CD209: variants seen among roughly 807,000 people sequenced by gnomAD.
CD209 encodes CD209 antigen.
In CD209, 31 loss-of-function variants were observed where a neutral mutation model predicts 44.7. That is an observed-to-expected ratio of 0.69 (90% confidence interval 0.52 to 0.94). The LOEUF (loss-of-function observed/expected upper bound fraction) is 0.94. Among genes scored for constraint, CD209 ranks in the 40% least tolerant of loss-of-function variants. The probability of loss-of-function intolerance (pLI) is 0.00; values close to 1 mark genes in which losing one functional copy is unlikely to be tolerated. For synonymous variants in CD209, 173 were observed against 181.3 expected (o/e 0.95, Z 0.37); for missense variants, 407 against 452.4 (o/e 0.90, Z 0.91).
chr19:7,746,109 A>G (rs376988840), intron 3 of CD209, 22 bp from the exon 4 acceptor site: 2 of 1,612,978 alleles, frequency 1.2e-6, no homozygotes, highest in Admixed American at 1.7e-5. Flanking sequence ...AAAAAAAGGA[A>G]CTGCAATTAT....
intron 5 of CD209, 143 bp from the exon 6 acceptor site, chr19:7,744,362 G>C (rs2033728191): frequency 1.6e-6 from 1 of 642,078 alleles, no homozygotes; most frequent in East Asian, 2.7e-5. Context: ...TCGTGTCTGA[G>C]TCCCTCTCAC....
rs58127026 is a variant in CD209, at chr19:7,740,124, A to C, written c.*2915T>G. 4.0e-3 allele frequency: 733 copies of C among 184,888 alleles called. 4 individuals are homozygous for C. Among genetic ancestry groups the C allele is most frequent in the African/African-American group, 0.016 (691 of 41,964 alleles). 11.5% of individuals were successfully genotyped at this position (184,888 alleles called of 1,614,324 possible). ...GGGTAGTGAGGCATGATATGATTGGATCTTGTAATGAGGGGATTCAGGAGG... is the reference window on the plus strand; with the variant it reads ...GGGTAGTGAGGCATGATATGATTGGCTCTTGTAATGAGGGGATTCAGGAGG... On this transcript the variant is annotated 3_prime_UTR_variant, in exon 7 of 7. Transcript: ENST00000315599.
At chr19:7,744,821 T>A in intron 5 of CD209, 120 bp downstream of exon 5, 1 of 1,368,316 alleles carries the variant, frequency 7.3e-7, no homozygotes, top group Non-Finnish European at 1.0e-6. Context: ...CATATCCTTC[T>A]CCTCCCTTCT....
rs773462318 is a variant in CD209, at chr19:7,744,229, A to G, written c.901-10T>C. On this transcript the variant is annotated splice_polypyrimidine_tract_variant and intron_variant, in intron 5 of 6. Transcript: ENST00000315599. ...GCAGCTGTAGGAAGTTCTGGAGGGT[A>G]CAGGAGGAGTCAGGAGGGAGCTCTG... 2 of 1,597,394 alleles carry G rather than the reference A, an allele frequency of 1.3e-6. No homozygotes were observed. Among genetic ancestry groups the G allele is most frequent in the Non-Finnish European group, 1.7e-6 (2 of 1,164,960 alleles).
chr19:7,743,325 AC>A, intron 6 of CD209, 85 bp from the exon 7 acceptor site: 1 of 1,162,818 alleles, frequency 8.6e-7, no homozygotes, highest in South Asian at 1.2e-5. Context: ...TGATGCCTTA[AC>A]ATCTGCCCTG....
At chr19:7,746,939 C>T (rs1004691573) in intron 2 of CD209, among the ~76,000 whole-genome samples, 1 of 151,688 alleles carries the variant, frequency 6.6e-6, no homozygotes, top group Non-Finnish European at 1.5e-5. Context: ...GGGTCCCAGC[C>T]CCTACATCCC....
chr19:7,741,038 T>A lies in CD209; in HGVS notation c.*2001A>T. The A allele has an allele frequency of 1.3e-6, 1 of 763,776 alleles. No individual in the cohort carries two copies. 47.3% of individuals were successfully genotyped at this position (763,776 alleles called of 1,614,324 possible). ...CCAACATCCAGTCCTACCCTTCTTA[T>A]TAAAAGCATGTTTACAGTGTTTGGA... On this transcript the variant is annotated 3_prime_UTR_variant, in exon 7 of 7. Transcript: ENST00000315599.
chr19:7,742,720 G>T lies in CD209; in HGVS notation c.*319C>A. 1 of 363,734 alleles carries T rather than the reference G, an allele frequency of 2.7e-6. No homozygotes were observed. Among genetic ancestry groups the T allele is most frequent in the Non-Finnish European group, 5.1e-6 (1 of 196,356 alleles). 22.5% of individuals were successfully genotyped at this position (363,734 alleles called of 1,614,324 possible). On this transcript the variant is annotated 3_prime_UTR_variant, in exon 7 of 7. Transcript: ENST00000315599. Reference sequence around the variant, plus strand: ...AGTTGAACAGATGGTAGGTTTGCATGTATAAGATAACGCCCCAGGGGACAT... The same window carrying T: ...AGTTGAACAGATGGTAGGTTTGCATTTATAAGATAACGCCCCAGGGGACAT...
At chr19:7,743,870 T>C (rs144396299) in intron 6 of CD209, among the ~76,000 whole-genome samples, 4,845 of 152,192 alleles carry the variant, frequency 0.032, 238 homozygotes, top group African/African-American at 0.11. Context: ...TATTAATACA[T>C]TATATTTTAA....
Position 7,745,935 on chromosome 19 carries a change from C to T in CD209, c.331G>A (p.Val111Met). Residue 111 changes from valine to methionine, a missense_variant, in exon 4 of 7, where the codon GTG (valine) becomes ATG (methionine). Transcript: ENST00000315599. ...TTAGATTTCTCTGGAAGCTCACCCA[C>T]TGCAGCCTTCAGCTGGGTCAGCTCC... Reference protein sequence around the residue: ...YQELTQLKAAVGELPEKSKLQ... With the variant: ...YQELTQLKAAMGELPEKSKLQ... The T allele has an allele frequency of 1.2e-6, 2 of 1,614,204 alleles. No individual in the cohort carries two copies. Among genetic ancestry groups the T allele is most frequent in the South Asian group, 2.2e-5 (2 of 91,076 alleles).
Position 7,742,593 on chromosome 19 carries a change from G to T in CD209, c.*446C>A. ...CTCCATGCCCTCTCTGGGTGCCATT[G>T]GTTGACTGGGGGAATTAATTCCCTG... On this transcript the variant is annotated 3_prime_UTR_variant, in exon 7 of 7. Coordinates refer to ENST00000315599, the MANE Select transcript of CD209 (RefSeq NM_021155.4). The T allele has an allele frequency of 5.4e-6, 1 of 184,930 alleles. No homozygotes were observed. Among genetic ancestry groups the T allele is most frequent in the Admixed American group, 5.3e-5 (1 of 18,798 alleles). 11.5% of individuals were successfully genotyped at this position (184,930 alleles called of 1,614,324 possible).
Position 7,741,656 on chromosome 19 carries a change from G to A in CD209, c.*1383C>T. 1 of 878,996 alleles carries A rather than the reference G, an allele frequency of 1.1e-6. No individual in the cohort carries two copies. Among genetic ancestry groups the A allele is most frequent in the Non-Finnish European group, 1.8e-6 (1 of 545,674 alleles). 54.4% of individuals were successfully genotyped at this position (878,996 alleles called of 1,614,324 possible). On this transcript the variant is annotated 3_prime_UTR_variant, in exon 7 of 7. Transcript: ENST00000315599. ...TTTAACGGACGATGGTATGTACGCA[G>A]GACGACAGCTTCAGTGTGAATTCTG...
At position 7,740,499 on chromosome 19, in the gene CD209, C is replaced by T. The variant is rs969180432; in HGVS notation, c.*2540G>A. The T allele has an allele frequency of 8.0e-6, 9 of 1,124,448 alleles. No homozygotes were observed. Among genetic ancestry groups the T allele is most frequent in the Middle Eastern group, 2.1e-4 (1 of 4,842 alleles). The allele number at this position is 1,124,448 out of a possible 1,614,324, so 69.7% of individuals were successfully genotyped here. ...GGTGACATTTCCAGAGAAACCAAGCCACAAAAAGTACAGGGCCGCCCTGAA... is the reference window on the plus strand; with the variant it reads ...GGTGACATTTCCAGAGAAACCAAGCTACAAAAAGTACAGGGCCGCCCTGAA... On this transcript the variant is annotated 3_prime_UTR_variant, in exon 7 of 7. Coordinates refer to ENST00000315599, the MANE Select transcript of CD209 (RefSeq NM_021155.4).
Position 7,745,618 on chromosome 19 carries a change from G to A in CD209, c.648C>T (p.Tyr216=), listed in dbSNP as rs934454996. Residue 216 remains tyrosine, a synonymous_variant, in exon 4 of 7, where the codon TAC becomes TAT. Coordinates refer to ENST00000315599, the MANE Select transcript of CD209 (RefSeq NM_021155.4). ...LPEKSKQQEI[Y]QELTRLKAAV... ...CAGCCTTCAGCCGGGTCAGCTCCTG[G>A]TAGATCTCCTGCTGCTTAGATTTCT... is the stretch of plus-strand genomic sequence containing the variant. The A allele has an allele frequency of 3.2e-6, 2 of 628,172 alleles. No individual in the cohort carries two copies. The highest frequency in any genetic ancestry group is 5.6e-6 in the Non-Finnish European group (2 of 357,354). The allele number at this position is 628,172 out of a possible 1,614,324, so 38.9% of individuals were successfully genotyped here.
In CD209 at chr19:7,741,182, T is replaced by TG. The variant is rs2033598802; in HGVS notation, c.*1856dup. 1 of 938,688 alleles carries TG rather than the reference T, an allele frequency of 1.1e-6. No homozygotes were observed. Among genetic ancestry groups the TG allele is most frequent in the South Asian group, 1.7e-5 (1 of 57,732 alleles). The allele number at this position is 938,688 out of a possible 1,614,324, so 58.1% of individuals were successfully genotyped here. On this transcript the variant is annotated 3_prime_UTR_variant, in exon 7 of 7. Transcript: ENST00000315599. ...GATGTGCTGCCCGAGTTCAAGAACG[T>TG]GGGGAGAGACTGGGCGCGGTGGCTC...
chr19:7,741,817 G>T lies in CD209; in HGVS notation c.*1222C>A. 1 of 499,072 alleles carries T rather than the reference G, an allele frequency of 2.0e-6. No homozygotes were observed. The highest frequency in any genetic ancestry group is 2.5e-5 in the Admixed American group (1 of 40,102). 30.9% of individuals were successfully genotyped at this position (499,072 alleles called of 1,614,324 possible). On this transcript the variant is annotated 3_prime_UTR_variant, in exon 7 of 7. Transcript: ENST00000315599. ...CTGCTTGTCTCCTCCTTTGGCAAGA[G>T]CTCCAAGGGGAGAGAGAGGGTGGGC...
chr19:7,743,187 C>A lies in CD209; in HGVS notation c.1067G>T (p.Cys356Phe). ...GEPNNVGEED[C>F]AEFSGNGWND... is the part of the protein sequence containing the mutation. ...CCAGCCATTGCCACTAAATTCCGCG[C>A]AGTCTTCCTCCCCAACGTTGTTGGG... is the stretch of plus-strand genomic sequence containing the variant. The change falls in exon 7 of 7, where the codon TGC (cysteine) becomes TTC (phenylalanine). Residue 356 changes from cysteine to phenylalanine, a missense_variant. Physicochemically the swap from Cys to Phe is radical, Grantham distance 205. This residue lies in a region of CD209 where 200 missense variants were observed against 202.2 expected (regional missense o/e 0.99). Transcript: ENST00000315599. 10 of 1,614,182 alleles carry A rather than the reference C, an allele frequency of 6.2e-6. No individual in the cohort carries two copies. The highest frequency in any genetic ancestry group is 8.5e-6 in the Non-Finnish European group (10 of 1,180,028).
chr19:7,746,540 G>C lies in CD209; in HGVS notation c.107-9C>G. The C allele has an allele frequency of 1.2e-6, 2 of 1,613,476 alleles. No individual in the cohort carries two copies. Among genetic ancestry groups the C allele is most frequent in the Non-Finnish European group, 1.7e-6 (2 of 1,179,520 alleles). ...ACCATGGCCAAGACACCCTGAGAGA[G>C]GATACATGCGTCAGCCTGCCAGTGT... On this transcript the variant is annotated splice_polypyrimidine_tract_variant and intron_variant, in intron 2 of 6. Transcript: ENST00000315599.
In CD209 at chr19:7,744,150, C is replaced by A. The variant is rs1203782165; in HGVS notation, c.970G>T (p.Glu324Ter). 6.2e-7 allele frequency: 1 copy of A among 1,614,062 alleles called. No homozygotes were observed. Among genetic ancestry groups the A allele is most frequent in the East Asian group, 2.2e-5 (1 of 44,886 alleles). Residue 324 changes from glutamate to a stop codon, truncating the protein, a stop_gained, in exon 6 of 7, where the codon GAA becomes TAA. Transcript: ENST00000315599. LOFTEE classifies it low-confidence loss of function (END_TRUNC). ...CCGTCCACCCATTGCCACGTGCCTT[C>A]CTGATTTAGATCTGAAAGTCCCATC... The part of the protein sequence containing the change: ...TWMGLSDLNQ[E>*]GTWQWVDGSP...
Sources: gnomAD v4.1 joint callset for allele counts (sites outside exome capture counted in the v4.1 genomes callset) on GRCh38, gnomAD v4.1.1 for gene constraint, gnomAD v4.1.1 regional missense constraint, MANE v1.5 for transcripts, NCBI Gene and HGNC (gene_info 2026-07-23, HGNC 2026-07-21) for gene names.